The following DSG4 variants were observed in gnomAD, a reference collection of about 807,000 sequenced individuals.
The protein encoded by DSG4 is desmoglein 4.
In DSG4, 87 loss-of-function variants were observed where a neutral mutation model predicts 93.1. The ratio of observed to expected loss-of-function variants is 0.93; its 90% CI spans 0.79 to 1.12. The LOEUF is 1.12. Ranked by LOEUF, DSG4 falls within the 50% of genes most tolerant of loss-of-function variation. The probability of loss-of-function intolerance (pLI) is 0.00; values close to 1 mark genes in which losing one functional copy is unlikely to be tolerated. For synonymous variants in DSG4, 432 were observed against 452.9 expected (o/e 0.95, Z 0.59); for missense variants, 1,373 against 1,285.7 (o/e 1.07, Z -1.04).
In DSG4 at chr18:31,409,822, A is replaced by G. The variant is rs1420735410; in HGVS notation, c.2137+14A>G. On this transcript the variant is annotated intron_variant, in intron 14 of 15. Transcript: ENST00000308128. ...TGGATTCCTCTGGTCAGTAGACACC[A>G]AAATCTGTTTTTCCTTTTAAATTTT... 1 of 1,613,986 alleles carries G rather than the reference A, an allele frequency of 6.2e-7. No individual in the cohort carries two copies. Among genetic ancestry groups the G allele is most frequent in the Non-Finnish European group, 8.5e-7 (1 of 1,179,904 alleles).
chr18:31,396,151 C>T (rs953668816), intron 8 of DSG4, among the ~76,000 whole-genome samples: 22 of 151,764 alleles, frequency 1.4e-4, no homozygotes, highest in African/African-American at 5.1e-4. Context: ...ACATATTTGA[C>T]TTCAACACTG....
Position 31,400,932 on chromosome 18 carries a change from T to C in DSG4, c.1329T>C (p.Thr443=). ...AGSWLKIDSR[T]GEIQFSREFD... is the part of the protein sequence containing the mutation. Reference sequence around the variant, plus strand: ...GCTGGTTAAAAATTGATTCAAGAACTGGTGAGATACAATTTTCTAGAGAAT... The same window carrying C: ...GCTGGTTAAAAATTGATTCAAGAACCGGTGAGATACAATTTTCTAGAGAAT... The change falls in exon 10 of 16, where the codon ACT becomes ACC. Residue 443 remains threonine (T), a synonymous_variant. Coordinates refer to ENST00000308128, the MANE Select transcript of DSG4 (RefSeq NM_177986.5). The C allele has an allele frequency of 6.2e-7, 1 of 1,612,568 alleles. No homozygotes were observed. The highest frequency in any genetic ancestry group is 8.5e-7 in the Non-Finnish European group (1 of 1,179,082).
At chr18:31,398,342 T>C (rs1232135675) in intron 8 of DSG4, among the ~76,000 whole-genome samples, 1 of 152,152 alleles carries the variant, frequency 6.6e-6, no homozygotes, top group Non-Finnish European at 1.5e-5. Flanking sequence ...AGAACCCAAG[T>C]AAATTTCTGT....
chr18:31,411,661 C>T (rs1482573045), intron 15 of DSG4, among the ~76,000 whole-genome samples: 1 of 152,034 alleles, frequency 6.6e-6, no homozygotes, highest in African/African-American at 2.4e-5. Context: ...ATCTTAGTAC[C>T]GTGAACAAGG....
chr18:31,409,119 C>T (rs1317121333), intron 12 of DSG4, among the ~76,000 whole-genome samples: 1 of 152,146 alleles, frequency 6.6e-6, no homozygotes, highest in Non-Finnish European at 1.5e-5. Context: ...ATGCGTTTAA[C>T]TTACATGTAT....
rs781514202 is a variant in DSG4 at position 31,392,224 on chromosome 18, G to A, written c.889G>A (p.Glu297Lys). ...LIRLQAIDLD[E>K]EGTDNWLAQY... ...ACGATTACAAGCAATTGATCTTGAT[G>A]AAGAAGGCACTGATAACTGGTTGGC... Residue 297 changes from glutamate to lysine, a missense_variant, in exon 8 of 16, where the codon GAA (glutamate) becomes AAA (lysine). Glu to Lys is a moderately conservative substitution (Grantham distance 56). Coordinates refer to ENST00000308128, the MANE Select transcript of DSG4 (RefSeq NM_177986.5). The A allele has an allele frequency of 8.4e-5, 135 of 1,613,708 alleles. 1 individual carries two copies. In the South Asian group the frequency reaches 1.4e-3, roughly 17 times the overall value.
intron 14 of DSG4, among the ~76,000 whole-genome samples, chr18:31,410,411 A>G (rs967862455): frequency 6.6e-6 from 1 of 151,676 alleles, no homozygotes; most frequent in Non-Finnish European, 1.5e-5. Flanking sequence ...ATGTGTGTCT[A>G]TATATATACA....
At chr18:31,411,570 C>T (rs2072494038) in intron 15 of DSG4, 122 bp downstream of exon 15, 1 of 1,217,692 alleles carries the variant, frequency 8.2e-7, no homozygotes, top group South Asian at 1.3e-5. Flanking sequence ...TATCCCAAAC[C>T]TGAATAAAAA....
chr18:31,391,372 T>C (rs2072247663), intron 7 of DSG4, among the ~76,000 whole-genome samples, 160 bp downstream of exon 7: 1 of 152,198 alleles, frequency 6.6e-6, no homozygotes, highest in African/African-American at 2.4e-5. Flanking sequence ...TGTATACTAA[T>C]ATACCTTCAA....
Position 31,409,462 on chromosome 18 carries a change from CT to C in DSG4, c.1946del (p.Leu649CysfsTer29), listed in dbSNP as rs756654048. The C allele has an allele frequency of 2.5e-6, 4 of 1,614,060 alleles. No homozygotes were observed. In the African/African-American group the frequency reaches 5.3e-5, roughly 22 times the overall value. The part of the protein sequence containing the change: ...GILLLILAPL[L>X]LLLCCCKQRQ... Reference sequence around the variant, plus strand: ...CACTTTCTTGGGCAGTGGCTCCACTCTTGCTGCTCCTGTGTTGCTGCAAACA... The same window carrying C: ...CACTTTCTTGGGCAGTGGCTCCACTCTGCTGCTCCTGTGTTGCTGCAAACA... On this transcript the variant is annotated frameshift_variant, in exon 13 of 16. Transcript: ENST00000308128. LOFTEE classifies it high-confidence loss of function.
chr18:31,388,459 T>C lies in DSG4; in HGVS notation c.309T>C (p.Asn103=). ...DRPPYGVFTI[N]PRTGEINITS... The stretch of plus-strand genomic sequence containing the variant: ...CACCATATGGGGTATTCACCATTAA[T>C]CCTCGCACTGGGGAAATTAACATCA... The change falls in exon 4 of 16, where the codon AAT becomes AAC. Residue 103 remains asparagine (N), a synonymous_variant. Transcript: ENST00000308128. 1.2e-6 allele frequency: 2 copies of C among 1,613,612 alleles called. No homozygotes were observed. The highest frequency in any genetic ancestry group is 1.7e-6 in the Non-Finnish European group (2 of 1,179,656).
chr18:31,399,728 G>T (rs1476271751), intron 9 of DSG4, among the ~76,000 whole-genome samples, 185 bp downstream of exon 9: 1 of 152,208 alleles, frequency 6.6e-6, no homozygotes, highest in East Asian at 1.9e-4. Context: ...CTTCAATAAT[G>T]TAAGGGCTCC....
chr18:31,377,623 G>C (rs978089966), intron 1 of DSG4, among the ~76,000 whole-genome samples: 1 of 152,016 alleles, frequency 6.6e-6, no homozygotes, highest in African/African-American at 2.4e-5. Context: ...TCTAACCTTT[G>C]GGTGCCCAAG....
rs1340346198 is a variant in DSG4 at position 31,414,292 on chromosome 18, A to G, written c.*697A>G. Reference sequence around the variant, plus strand: ...TGTAAATTAATCTAGAATAGCAAAAAAAAATGACAATCCTAAAGTAGAAAG... The same window carrying G: ...TGTAAATTAATCTAGAATAGCAAAAGAAAATGACAATCCTAAAGTAGAAAG... On this transcript the variant is annotated 3_prime_UTR_variant, in exon 16 of 16. Coordinates refer to ENST00000308128, the MANE Select transcript of DSG4 (RefSeq NM_177986.5). The G allele has an allele frequency of 6.6e-6, 1 of 152,196 alleles. No homozygotes were observed. Among genetic ancestry groups the G allele is most frequent in the African/African-American group, 2.4e-5 (1 of 41,460 alleles). The allele number at this position is 152,196 out of a possible 1,614,324, so 9.4% of individuals were successfully genotyped here. A position where few individuals can be genotyped will look rare whatever the true frequency, so the allele number is the denominator to read the frequency against.
At position 31,413,751 on chromosome 18, in the gene DSG4, G is replaced by C; in HGVS notation, c.*156G>C. ...TATTTGATTATACCATTTTGAGGGTGAATATGGCTAGGCACTTTAGATAAG... is the reference window on the plus strand; with the variant it reads ...TATTTGATTATACCATTTTGAGGGTCAATATGGCTAGGCACTTTAGATAAG... On this transcript the variant is annotated 3_prime_UTR_variant, in exon 16 of 16. Transcript: ENST00000308128. 9.7e-7 allele frequency: 1 copy of C among 1,028,688 alleles called. No individual in the cohort carries two copies. The highest frequency in any genetic ancestry group is 1.4e-6 in the Non-Finnish European group (1 of 708,646). 63.7% of individuals were successfully genotyped at this position (1,028,688 alleles called of 1,614,324 possible). A position where few individuals can be genotyped will look rare whatever the true frequency, so the allele number is the denominator to read the frequency against.
intron 14 of DSG4, chr18:31,410,962 A>G (rs553693241): frequency 9.7e-6 from 9 of 928,390 alleles, no homozygotes; most frequent in African/African-American, 8.3e-5. Flanking sequence ...TCTCTTGGCT[A>G]GTTCTACACC....
intron 14 of DSG4, among the ~76,000 whole-genome samples, chr18:31,410,804 T>C (rs1166850680): frequency 6.6e-6 from 1 of 152,168 alleles, no homozygotes; most frequent in Admixed American, 6.5e-5. Flanking sequence ...TGACTGAACA[T>C]CCCTGTGAGC....
chr18:31,414,182 T>A lies in DSG4; in HGVS notation c.*587T>A, dbSNP rs2072530879. Reference sequence around the variant, plus strand: ...GATGCTTAATATAATAAGAAAAGAGTTTGCCAACTGAAAGCATGGCTGGAA... The same window carrying A: ...GATGCTTAATATAATAAGAAAAGAGATTGCCAACTGAAAGCATGGCTGGAA... On this transcript the variant is annotated 3_prime_UTR_variant, in exon 16 of 16. Transcript: ENST00000308128. The A allele has an allele frequency of 6.6e-6, 1 of 152,160 alleles. No individual in the cohort carries two copies. 9.4% of individuals were successfully genotyped at this position (152,160 alleles called of 1,614,324 possible). A position where few individuals can be genotyped will look rare whatever the true frequency, so the allele number is the denominator to read the frequency against.
intron 8 of DSG4, among the ~76,000 whole-genome samples, chr18:31,395,046 T>G (rs2144186898): frequency 6.6e-6 from 1 of 152,284 alleles, no homozygotes; most frequent in African/African-American, 2.4e-5. Context: ...GTCCAAAAGA[T>G]AGTAGAGACT....
Sources: allele counts gnomAD v4.1 joint callset (sites outside exome capture counted in the v4.1 genomes callset), GRCh38; gene constraint gnomAD v4.1.1; transcripts MANE v1.5; gene names NCBI Gene and HGNC (gene_info 2026-07-23, HGNC 2026-07-21).